The following BCL9 variants were observed in gnomAD, a reference collection of about 807,000 sequenced individuals.
BCL9 encodes the protein B-cell CLL/lymphoma 9 protein.
A neutral mutation model predicts 88.5 loss-of-function variants in BCL9; 25 were observed. The ratio of observed to expected loss-of-function variants is 0.28; its 90% CI spans 0.21 to 0.39. The LOEUF (loss-of-function observed/expected upper bound fraction) is 0.39, where lower values mean the gene tolerates loss of function less well. Ranked by LOEUF, BCL9 falls within the 10% of genes least tolerant of loss-of-function variation. The pLI is 1.00. For synonymous variants in BCL9, 711 were observed against 673.3 expected (o/e 1.06, Z -0.87); for missense variants, 1,817 against 1,877.8 (o/e 0.97, Z 0.60).
At chr1:147,579,968 A>G (rs782353931) in intron 1 of BCL9, among the ~76,000 whole-genome samples, 23 of 152,204 alleles carry the variant, frequency 1.5e-4, no homozygotes, top group Non-Finnish European at 2.8e-4. Context: ...CTTAGAAAGC[A>G]AAAACAAGAC....
At position 147,620,121 on chromosome 1, in the gene BCL9, A is replaced by C. The variant is rs376171487; in HGVS notation, c.1966A>C (p.Met656Leu). Reference sequence around the variant, plus strand: ...GGCCATGGAAGGCATCAGGCCCAGCATGGAGATGAACAGGATGATTCCAGG... The same window carrying C: ...GGCCATGGAAGGCATCAGGCCCAGCCTGGAGATGAACAGGATGATTCCAGG... ...GMAMEGIRPS[M>L]EMNRMIPGSQ... The change falls in exon 8 of 10, where the codon ATG becomes CTG. Residue 656 changes from methionine (M) to leucine (L), a missense_variant. This residue lies in a region of BCL9 where 1,228 missense variants were observed against 1,191.6 expected (regional missense o/e 1.03). Transcript: ENST00000234739. 3 of 1,614,052 alleles carry C rather than the reference A, an allele frequency of 1.9e-6. No individual in the cohort carries two copies. Among genetic ancestry groups the C allele is most frequent in the Non-Finnish European group, 2.5e-6 (3 of 1,180,040 alleles).
intron 1 of BCL9, among the ~76,000 whole-genome samples, chr1:147,554,145 A>G (rs1452741935): frequency 6.6e-6 from 1 of 152,270 alleles, no homozygotes; most frequent in Admixed American, 6.5e-5. Context: ...TATAGTGTGC[A>G]TAATTTGCCA....
rs1553205140 is a variant in BCL9, at chr1:147,620,739, C to T, written c.2584C>T (p.Pro862Ser). Residue 862 changes from proline to serine, a missense_variant, in exon 8 of 10, where the codon CCT (proline) becomes TCT (serine). Transcript: ENST00000234739. ...GSQVHSPGIN[P>S]LKSPTMHQVQ... ...CCAGGTGCATTCCCCAGGCATTAAC[C>T]CTCTGAAGTCTCCCACGATGCACCA... The T allele has an allele frequency of 6.2e-7, 1 of 1,614,138 alleles. No homozygotes were observed. The highest frequency in any genetic ancestry group is 1.1e-5 in the South Asian group (1 of 91,084).
At chr1:147,579,154 C>T (rs1202426125) in intron 1 of BCL9, among the ~76,000 whole-genome samples, 3 of 152,152 alleles carry the variant, frequency 2.0e-5, no homozygotes, top group African/African-American at 7.2e-5. Flanking sequence ...TCGTGAGCCA[C>T]CGCGCCCAGC....
At chr1:147,567,407 G>A (rs1655656485) in intron 1 of BCL9, among the ~76,000 whole-genome samples, 1 of 152,076 alleles carries the variant, frequency 6.6e-6, no homozygotes. Flanking sequence ...GGCCTGCTTT[G>A]TACAATTGTA....
intron 1 of BCL9, among the ~76,000 whole-genome samples, chr1:147,593,089 A>T (rs1280443525): frequency 6.6e-6 from 1 of 152,172 alleles, no homozygotes; most frequent in African/African-American, 2.4e-5. Context: ...CACCATCATC[A>T]TCACAGCAAG....
chr1:147,546,295 G>A (rs1557816656), intron 1 of BCL9, among the ~76,000 whole-genome samples: 4 of 151,374 alleles, frequency 2.6e-5, no homozygotes, highest in East Asian at 1.9e-4. Context: ...CTGAGATCCC[G>A]CCACTGTACT....
chr1:147,544,383 A>G (rs1654461281), intron 1 of BCL9, among the ~76,000 whole-genome samples: 2 of 151,580 alleles, frequency 1.3e-5, no homozygotes, highest in South Asian at 4.1e-4. Flanking sequence ...CAGCAATTCC[A>G]AAGAGCAGAA....
chr1:147,543,880 A>G (rs1654439502), intron 1 of BCL9, among the ~76,000 whole-genome samples: 1 of 152,144 alleles, frequency 6.6e-6, no homozygotes, highest in Non-Finnish European at 1.5e-5. Flanking sequence ...GCACTTGGCC[A>G]ACCAAAGAGA....
chr1:147,615,969 G>T, intron 7 of BCL9, 67 bp downstream of exon 7: 2 of 1,471,186 alleles, frequency 1.4e-6, no homozygotes, highest in South Asian at 2.3e-5. Flanking sequence ...AAAGGAGGTG[G>T]TGAATTTAAT....
At chr1:147,547,909 T>C (rs2068024) in intron 1 of BCL9, among the ~76,000 whole-genome samples, 4,306 of 152,344 alleles carry the variant, frequency 0.028, 110 homozygotes, top group Non-Finnish European at 0.042. Context: ...GCCAATCTAA[T>C]TTTTAATGAT....
intron 1 of BCL9, among the ~76,000 whole-genome samples, chr1:147,564,262 T>C (rs1655508569): frequency 6.6e-6 from 1 of 152,134 alleles, no homozygotes; most frequent in Admixed American, 6.6e-5. Flanking sequence ...TTTTGCTCCT[T>C]TTCATTTCTC....
intron 1 of BCL9, among the ~76,000 whole-genome samples, chr1:147,546,243 C>G (rs782516660): frequency 6.6e-6 from 1 of 151,648 alleles, no homozygotes; most frequent in Non-Finnish European, 1.5e-5. Flanking sequence ...GAGGCTGAGG[C>G]AGGAGAATGG....
chr1:147,588,983 G>A (rs587658731), intron 1 of BCL9, among the ~76,000 whole-genome samples: 1 of 152,168 alleles, frequency 6.6e-6, no homozygotes, highest in East Asian at 1.9e-4. Context: ...CATGCCTTGG[G>A]GCTTATACCT....
chr1:147,579,863 C>T (rs587647654), intron 1 of BCL9, among the ~76,000 whole-genome samples: 7 of 152,270 alleles, frequency 4.6e-5, no homozygotes, highest in Admixed American at 1.3e-4. Context: ...AGCAGTCTAC[C>T]CACCTTCCTG....
At chr1:147,618,669 A>G (rs782488381) in intron 7 of BCL9, 147 bp from the exon 8 acceptor site, 4 of 729,164 alleles carry the variant, frequency 5.5e-6, no homozygotes, top group Non-Finnish European at 8.1e-6. Flanking sequence ...TCCATGCCCA[A>G]AAGAGGGTTG....
chr1:147,560,284 A>C (rs1272303237), intron 1 of BCL9, among the ~76,000 whole-genome samples: 1 of 152,074 alleles, frequency 6.6e-6, no homozygotes, highest in Non-Finnish European at 1.5e-5. Context: ...GAGTCTTTTT[A>C]ACTATTAAAA....
At chr1:147,563,255 T>C (rs1208261301) in intron 1 of BCL9, among the ~76,000 whole-genome samples, 2 of 152,224 alleles carry the variant, frequency 1.3e-5, no homozygotes, top group Non-Finnish European at 2.9e-5. Flanking sequence ...TATTTATTTG[T>C]TTACTTTGTT....
chr1:147,593,370 C>T (rs1656922877), intron 1 of BCL9, among the ~76,000 whole-genome samples: 1 of 152,158 alleles, frequency 6.6e-6, no homozygotes, highest in African/African-American at 2.4e-5. Context: ...ACATCTGAGC[C>T]TTTGCACATT....
Sources: gnomAD v4.1 joint callset for allele counts (sites outside exome capture counted in the v4.1 genomes callset) on GRCh38, gnomAD v4.1.1 for gene constraint, gnomAD v4.1.1 regional missense constraint, MANE v1.5 for transcripts, NCBI Gene and HGNC (gene_info 2026-07-23, HGNC 2026-07-21) for gene names.